The following MORN1 variants were observed in gnomAD, a reference collection of about 807,000 sequenced individuals.
MORN1 encodes MORN repeat-containing protein 1.
MORN1 carries 67 observed loss-of-function variants against 61.9 expected under a neutral mutation model. The ratio of observed to expected loss-of-function variants is 1.08; its 90% CI spans 0.89 to 1.33. MORN1 has a LOEUF of 1.33. MORN1 is among the 40% of genes most tolerant of loss of function. The probability of loss-of-function intolerance (pLI) is 0.00; values close to 1 mark genes in which losing one functional copy is unlikely to be tolerated. For missense variants in MORN1, 752 were observed against 691.2 expected (o/e 1.09, Z -0.99); for synonymous variants, 301 against 292.0 (o/e 1.03, Z -0.31).
chr1:2,329,803 G>C, intron 12 of MORN1, among the ~76,000 whole-genome samples: 1 of 152,254 alleles, frequency 6.6e-6, no homozygotes, highest in Non-Finnish European at 1.5e-5. Context: ...CCACTGGGCT[G>C]GGCCCCGTGC....
chr1:2,346,512 A>C (rs1641518693), intron 10 of MORN1, among the ~76,000 whole-genome samples: 1 of 152,028 alleles, frequency 6.6e-6, no homozygotes, highest in South Asian at 2.1e-4. Flanking sequence ...CAGCCTCCTG[A>C]GTAGCTGGGA....
chr1:2,379,572 G>A (rs962352167), intron 6 of MORN1, among the ~76,000 whole-genome samples: 3 of 152,328 alleles, frequency 2.0e-5, no homozygotes, highest in South Asian at 2.1e-4. Context: ...GGGGGCAGCT[G>A]GTGGCCAGGA....
chr1:2,325,664 T>TA, intron 12 of MORN1, among the ~76,000 whole-genome samples: 2 of 108,070 alleles, frequency 1.9e-5, no homozygotes, highest in Admixed American at 9.5e-5. Flanking sequence ...TTTTTTTTTT[T>TA]AGCAATAGAG....
chr1:2,336,721 T>C lies in MORN1; in HGVS notation c.1166A>G (p.His389Arg). ...YHPFLFLDSL[H>R]KKAGGRSRGG... ...CCGCCCCCCGTGGGCACCCACCTTG[T>C]GGAGGCTGTCCAGGAACAGGAAGGG... The change falls in exon 11 of 14, where the codon CAC becomes CGC. Residue 389 changes from histidine to arginine, a missense_variant. By Grantham distance (29) the His-to-Arg change is conservative. Transcript: ENST00000378531. 1 of 1,567,102 alleles carries C rather than the reference T, an allele frequency of 6.4e-7. No individual in the cohort carries two copies. The highest frequency in any genetic ancestry group is 8.6e-7 in the Non-Finnish European group (1 of 1,157,262).
intron 10 of MORN1, among the ~76,000 whole-genome samples, chr1:2,356,084 G>A (rs966242538): frequency 6.6e-5 from 10 of 152,204 alleles, no homozygotes; most frequent in African/African-American, 2.4e-4. Flanking sequence ...GGGATTGTGA[G>A]GACTCAGGGG....
At chr1:2,378,753 C>T (rs1174812899) in intron 6 of MORN1, 7 of 363,608 alleles carry the variant, frequency 1.9e-5, no homozygotes, top group Admixed American at 1.1e-4. Context: ...TTCTGGAGGA[C>T]GTGTGGGGCC....
chr1:2,330,395 C>T (rs925413392), intron 12 of MORN1, among the ~76,000 whole-genome samples: 4 of 152,296 alleles, frequency 2.6e-5, no homozygotes, highest in South Asian at 2.1e-4. Flanking sequence ...GAGGGAGGAA[C>T]GGGTCGGTGT....
chr1:2,326,330 A>G (rs1217998019), intron 12 of MORN1: 1 of 152,214 alleles, frequency 6.6e-6, no homozygotes, highest in African/African-American at 2.4e-5. Context: ...AGCACCGAGA[A>G]GAACTAGTCT....
At chr1:2,365,399 A>G in intron 8 of MORN1, among the ~76,000 whole-genome samples, 1 of 137,066 alleles carries the variant, frequency 7.3e-6, no homozygotes, top group Non-Finnish European at 1.6e-5. Context: ...ATTTTTGTAC[A>G]TTGATTTTGT....
chr1:2,385,750 A>G, intron 5 of MORN1, 57 bp downstream of exon 5: 1 of 1,516,146 alleles, frequency 6.6e-7, no homozygotes, highest in South Asian at 1.1e-5. Context: ...ACATGGCCTC[A>G]CACCTGCCCT....
At chr1:2,350,071 C>T (rs1641612417) in intron 10 of MORN1, among the ~76,000 whole-genome samples, 1 of 152,216 alleles carries the variant, frequency 6.6e-6, no homozygotes, top group African/African-American at 2.4e-5. Context: ...TGGGCCCAGG[C>T]AGGCACCCCA....
At chr1:2,374,183 G>A (rs1391682834) in intron 7 of MORN1, among the ~76,000 whole-genome samples, 1 of 152,212 alleles carries the variant, frequency 6.6e-6, no homozygotes, top group South Asian at 2.1e-4. Flanking sequence ...AGGGCTCAGG[G>A]AAATTGGACA....
chr1:2,322,429 T>A (rs1056977186), intron 13 of MORN1: 44 of 984,920 alleles, frequency 4.5e-5, no homozygotes, highest in Admixed American at 6.2e-5. Context: ...AAAACAGCGC[T>A]CCCCTCGCAG....
chr1:2,321,591 G>A lies in MORN1; in HGVS notation c.1298-12C>T, dbSNP rs370949395. 19 of 1,470,048 alleles carry A rather than the reference G, an allele frequency of 1.3e-5. No homozygotes were observed. Among genetic ancestry groups the A allele is most frequent in the East Asian group, 2.6e-5 (1 of 38,254 alleles). The allele number at this position is 1,470,048 out of a possible 1,614,324, so 91.1% of individuals were successfully genotyped here. ...GAGCACGTACTCCCCTGCAAGGGGC[G>A]GGTGGGCTGGTCCTCAGCAGGCTCC... On this transcript the variant is annotated splice_polypyrimidine_tract_variant and intron_variant, in intron 13 of 13. Transcript: ENST00000378531.
intron 10 of MORN1, chr1:2,351,703 G>A (rs1488432199): frequency 6.5e-6 from 3 of 464,812 alleles, no homozygotes; most frequent in African/African-American, 2.1e-5. Flanking sequence ...GCATTCTTTA[G>A]TTTCATCTTT....
At position 2,337,674 on chromosome 1, in the gene MORN1, C is replaced by A. The variant is rs948523077; in HGVS notation, c.1037-824G>T. 6.6e-6 allele frequency among the ~76,000 whole-genome samples: 1 copy of A among 152,210 alleles called. No individual in the cohort carries two copies. Among genetic ancestry groups the A allele is most frequent in the Non-Finnish European group, 1.5e-5 (1 of 68,034 alleles). The stretch of plus-strand genomic sequence containing the variant: ...ACACACATCAGAGCCCACGTTCCTA[C>A]GAGCAGCTCGGAGCTGTCCTGACAC... On this transcript the variant is annotated intron_variant, in intron 10 of 13. Transcript: ENST00000378531. The surrounding 1 kb of genome is among the most constrained non-coding windows in gnomAD (Gnocchi z 5.7).
Position 2,335,842 on chromosome 1 carries a change from CCAGCG to C in MORN1, c.1250+622_1250+626del, listed in dbSNP as rs201818646. Among the ~76,000 whole-genome samples the C allele has an allele frequency of 2.4e-3, 357 of 150,860 alleles. 11 individuals are homozygous for C. Among genetic ancestry groups the C allele is most frequent in the African/African-American group, 8.2e-3 (331 of 40,210 alleles). On this transcript the variant is annotated intron_variant, in intron 12 of 13. Coordinates refer to ENST00000378531, the MANE Select transcript of MORN1 (RefSeq NM_024848.3). ...CCTCGCCTCCATAGCCCAGCCCAGC[CCAGCG>C]CGCAGCTGCCCCCAATTTGTAGACA...
chr1:2,373,523 T>C (rs1315029065), intron 7 of MORN1, among the ~76,000 whole-genome samples: 5 of 152,154 alleles, frequency 3.3e-5, no homozygotes, highest in Non-Finnish European at 5.9e-5. Context: ...TCTGGATTCT[T>C]TCCCTTGAGG....
At chr1:2,327,037 GAC>G (rs1641040949) in intron 12 of MORN1, among the ~76,000 whole-genome samples, 1 of 151,612 alleles carries the variant, frequency 6.6e-6, no homozygotes, top group South Asian at 2.1e-4. Flanking sequence ...CAGAAACGAA[GAC>G]AGAAACACAG....
Sources: gnomAD v4.1 joint callset for allele counts (sites outside exome capture counted in the v4.1 genomes callset) on GRCh38, gnomAD v4.1.1 for gene constraint, Gnocchi (gnomAD v3.1) non-coding constraint, MANE v1.5 for transcripts, NCBI Gene and HGNC (gene_info 2026-07-23, HGNC 2026-07-21) for gene names.